Variants in ZNF385D observed in about 807,000 individuals in gnomAD.
The protein encoded by ZNF385D is zinc finger protein 659.
In ZNF385D, 15 loss-of-function variants were observed where a neutral mutation model predicts 35.8. The ratio of observed to expected loss-of-function variants is 0.42; its 90% CI spans 0.28 to 0.64. ZNF385D has a LOEUF of 0.64. ZNF385D is among the 30% of genes least tolerant of loss of function. ZNF385D has a pLI of 0.23. For missense variants in ZNF385D, 474 were observed against 494.6 expected, an observed-to-expected ratio of 0.96 and a Z score of 0.39; for synonymous variants, 212 against 186.8, an observed-to-expected ratio of 1.13 and a Z score of -1.10.
At position 21,465,118 on chromosome 3, in the gene ZNF385D, C is replaced by G. The variant is rs1477103192; in HGVS notation, c.440-27915G>C. The stretch of plus-strand genomic sequence containing the variant: ...AACAGATTTCCAAAGCTGTCTCTGT[C>G]TATATGGAGCATTTTTGTTAAATAT... On this transcript the variant is annotated intron_variant, in intron 4 of 7. Coordinates refer to ENST00000281523, the MANE Select transcript of ZNF385D (RefSeq NM_024697.3). The surrounding 1 kb of genome is among the most constrained non-coding windows in gnomAD (Gnocchi z 4.2). 6.6e-6 allele frequency among the ~76,000 whole-genome samples: 1 copy of G among 152,112 alleles called. No homozygotes were observed. Among genetic ancestry groups the G allele is most frequent in the Non-Finnish European group, 1.5e-5 (1 of 68,008 alleles).
chr3:21,726,673 G>A lies in ZNF385D; in HGVS notation c.22+24222C>T, dbSNP rs911205810. Reference sequence around the variant, plus strand: ...ACCACTGATCAAGGAAATAAGAGAGGATGAAAACAAATGGAAAAAGTTTGC... The same window carrying A: ...ACCACTGATCAAGGAAATAAGAGAGAATGAAAACAAATGGAAAAAGTTTGC... On this transcript the variant is annotated intron_variant, in intron 1 of 7. Coordinates refer to ENST00000281523, the MANE Select transcript of ZNF385D (RefSeq NM_024697.3). 4.6e-5 allele frequency among the ~76,000 whole-genome samples: 7 copies of A among 152,120 alleles called. No individual in the cohort carries two copies. In the South Asian group the frequency reaches 1.2e-3, roughly 27 times the overall value.
intron 2 of ZNF385D, among the ~76,000 whole-genome samples, chr3:22,219,956 T>G (rs1342111273): frequency 6.6e-6 from 1 of 152,178 alleles, no homozygotes; most frequent in Non-Finnish European, 1.5e-5. Context: ...TGGGTTCATT[T>G]TATTTTCTAA....
At chr3:22,197,449 C>T (rs1000454187) in intron 2 of ZNF385D, among the ~76,000 whole-genome samples, 3 of 152,014 alleles carry the variant, frequency 2.0e-5, no homozygotes, top group African/African-American at 4.8e-5. Context: ...CCAGCTTTGA[C>T]CAATTGGCAG....
intron 2 of ZNF385D, among the ~76,000 whole-genome samples, chr3:22,369,372 A>G (rs1422321086): frequency 6.6e-6 from 1 of 152,104 alleles, no homozygotes; most frequent in Non-Finnish European, 1.5e-5. Context: ...GTCATGAAAC[A>G]TTTTGCAGTT....
chr3:21,697,162 G>A (rs551624120), intron 1 of ZNF385D, among the ~76,000 whole-genome samples: 17 of 152,178 alleles, frequency 1.1e-4, no homozygotes, highest in Admixed American at 4.6e-4. Flanking sequence ...ATCGTTAAAG[G>A]GAGGTAGTAA....
At chr3:21,881,854 T>C (rs1188177284) in intron 3 of ZNF385D, among the ~76,000 whole-genome samples, 1 of 152,000 alleles carries the variant, frequency 6.6e-6, no homozygotes, top group Non-Finnish European at 1.5e-5. Context: ...CCCTCATGGA[T>C]GACTGAGCAC....
chr3:21,515,321 A>G lies in ZNF385D; in HGVS notation c.277-4298T>C, dbSNP rs17008952. ...CACCAATACCTTGTATACTTTTCAC[A>G]TCTCTTTTACAAAACATGTCTTATG... On this transcript the variant is annotated intron_variant, in intron 3 of 7. Coordinates refer to ENST00000281523, the MANE Select transcript of ZNF385D (RefSeq NM_024697.3). Among the ~76,000 whole-genome samples, 466 of 152,238 alleles carry G rather than the reference A, an allele frequency of 3.1e-3. 1 individual carries two copies. Among genetic ancestry groups the G allele is most frequent in the African/African-American group, 0.01 (426 of 41,560 alleles).
At chr3:21,561,963 C>T (rs1192893418) in intron 3 of ZNF385D, 2 of 152,166 alleles carry the variant, frequency 1.3e-5, no homozygotes, top group East Asian at 1.9e-4. Context: ...TTTATTTTAG[C>T]AGCAATAGAA....
intron 3 of ZNF385D, among the ~76,000 whole-genome samples, chr3:21,858,428 C>T (rs558612936): frequency 6.6e-6 from 1 of 152,056 alleles, no homozygotes; most frequent in East Asian, 2.0e-4. Flanking sequence ...TAAACCTAAT[C>T]CCCAGTGTGA....
intron 3 of ZNF385D, among the ~76,000 whole-genome samples, chr3:22,104,065 GGGAC>G (rs1702079336): frequency 6.6e-6 from 1 of 152,030 alleles, no homozygotes; most frequent in Admixed American, 6.6e-5. Flanking sequence ...TGGGGAGTGA[GGGAC>G]GTATGTGAGA....
rs974721336 is a variant in ZNF385D at position 21,749,542 on chromosome 3, T to A, written c.22+1353A>T. Among the ~76,000 whole-genome samples the A allele has an allele frequency of 5.9e-5, 9 of 152,250 alleles. No individual in the cohort carries two copies. In the South Asian group the frequency reaches 1.0e-3, roughly 17 times the overall value. ...TCCATTTATGAAAATATATGCATGA[T>A]AAACTCTGTTAGTGGCCAATAAACA... is the stretch of plus-strand genomic sequence containing the variant. On this transcript the variant is annotated intron_variant, in intron 1 of 7. Transcript: ENST00000281523.
intron 2 of ZNF385D, among the ~76,000 whole-genome samples, chr3:21,615,369 A>T (rs1229493088): frequency 6.6e-6 from 1 of 152,170 alleles, no homozygotes; most frequent in African/African-American, 2.4e-5. Flanking sequence ...CAGCCTGCAG[A>T]ACTGTAAGGC....
At chr3:21,579,642 A>G (rs2063594439) in intron 2 of ZNF385D, 1 of 152,184 alleles carries the variant, frequency 6.6e-6, no homozygotes, top group Non-Finnish European at 1.5e-5. Flanking sequence ...GTTATAACAA[A>G]ATACTGCAAA....
intron 3 of ZNF385D, among the ~76,000 whole-genome samples, chr3:21,519,390 T>G (rs1707777798): frequency 6.6e-6 from 1 of 152,206 alleles, no homozygotes; most frequent in African/African-American, 2.4e-5. Context: ...TTCCTTAACA[T>G]TAGGTATTTA....
intron 3 of ZNF385D, among the ~76,000 whole-genome samples, chr3:21,989,712 T>G (rs1355831504): frequency 1.3e-5 from 2 of 152,196 alleles, no homozygotes; most frequent in African/African-American, 4.8e-5. Context: ...CATCCAGTCT[T>G]GTAAGTATGT....
chr3:21,829,938 A>G (rs1463690420), intron 3 of ZNF385D, among the ~76,000 whole-genome samples: 2 of 152,006 alleles, frequency 1.3e-5, no homozygotes, highest in African/African-American at 4.8e-5. Flanking sequence ...GGCCTGGCCA[A>G]CATGGTGAAA....
chr3:22,230,328 C>CA (rs1335686483), intron 2 of ZNF385D, among the ~76,000 whole-genome samples: 1 of 152,240 alleles, frequency 6.6e-6, no homozygotes, highest in African/African-American at 2.4e-5. Flanking sequence ...CCCTTATGTA[C>CA]AGGTTTTTAT....
Position 22,151,319 on chromosome 3 carries a change from AG to A in ZNF385D, c.325+17497del, listed in dbSNP as rs1705218248. 2.0e-5 allele frequency among the ~76,000 whole-genome samples: 3 copies of A among 152,170 alleles called. No homozygotes were observed. The South Asian group carries it at 6.2e-4, about 31-fold the overall frequency. The stretch of plus-strand genomic sequence containing the variant: ...AATCAAGAATCAGAGAAAGAGAGAA[AG>A]AAAATGTCTAATGTCAGGTGGAAAC... On this transcript the variant is annotated intron_variant, in intron 3 of 5. Transcript: ENST00000494108.
chr3:22,256,192 T>C (rs992814506), intron 2 of ZNF385D, among the ~76,000 whole-genome samples: 2 of 148,168 alleles, frequency 1.3e-5, no homozygotes, highest in Non-Finnish European at 1.5e-5. Context: ...TACATATACA[T>C]ACACACATAC....
Sources: gnomAD v4.1 joint callset for allele counts (sites outside exome capture counted in the v4.1 genomes callset) on GRCh38, gnomAD v4.1.1 for gene constraint, Gnocchi (gnomAD v3.1) non-coding constraint, MANE v1.5 for transcripts, NCBI Gene and HGNC (gene_info 2026-07-23, HGNC 2026-07-21) for gene names.